CRISPLD2: variants seen among roughly 807,000 people sequenced by gnomAD.
CRISPLD2 encodes the protein cysteine-rich secretory protein LCCL domain-containing 2.
Under a neutral mutation model 71.1 loss-of-function variants are expected in CRISPLD2, and 47 were observed. That is an observed-to-expected ratio of 0.66 (90% CI 0.52 to 0.84). The LOEUF (loss-of-function observed/expected upper bound fraction) is 0.84, where lower values mean the gene tolerates loss of function less well. CRISPLD2 is among the 40% of genes least tolerant of loss of function. CRISPLD2 has a pLI of 0.00. For missense variants in CRISPLD2, 830 were observed against 651.1 expected (o/e 1.27, Z -2.99); for synonymous variants, 317 against 250.1 (o/e 1.27, Z -2.52).
At chr16:84,845,938 G>A (rs2143199194) in intron 3 of CRISPLD2, 34 bp downstream of exon 3, 1 of 1,414,804 alleles carries the variant, frequency 7.1e-7, no homozygotes, top group Non-Finnish European at 1.0e-6. Flanking sequence ...GGCTGCCGCA[G>A]GACCCCACTG....
chr16:84,830,285 G>A (rs1916456599), intron 1 of CRISPLD2, among the ~76,000 whole-genome samples: 1 of 152,176 alleles, frequency 6.6e-6, no homozygotes, highest in Admixed American at 6.5e-5. Flanking sequence ...TTGCACCACT[G>A]CACTCTAGCC....
intron 1 of CRISPLD2, among the ~76,000 whole-genome samples, chr16:84,825,462 T>C (rs1326794174): frequency 6.6e-6 from 1 of 151,974 alleles, no homozygotes; most frequent in East Asian, 1.9e-4. Flanking sequence ...GTTTCTAAAA[T>C]AAAGGAAGAA....
At chr16:84,838,087 T>C (rs959915843) in intron 1 of CRISPLD2, among the ~76,000 whole-genome samples, 4 of 152,186 alleles carry the variant, frequency 2.6e-5, no homozygotes, top group African/African-American at 9.7e-5. Flanking sequence ...AGCTAATTTG[T>C]GCCTGAGATT....
intron 7 of CRISPLD2, among the ~76,000 whole-genome samples, chr16:84,868,498 C>T (rs1917603193): frequency 6.6e-6 from 1 of 152,204 alleles, no homozygotes; most frequent in Non-Finnish European, 1.5e-5. Context: ...CCCTGTGGGA[C>T]CACAGGCACA....
At chr16:84,896,870 T>G (rs561809805) in intron 14 of CRISPLD2, among the ~76,000 whole-genome samples, 3 of 152,366 alleles carry the variant, frequency 2.0e-5, no homozygotes, top group Admixed American at 6.5e-5. Context: ...CAGGGGTTCC[T>G]CTTCTGCCGT....
intron 14 of CRISPLD2, among the ~76,000 whole-genome samples, chr16:84,903,030 A>G (rs181365857): frequency 6.2e-4 from 95 of 152,014 alleles, no homozygotes; most frequent in Middle Eastern, 3.4e-3. Context: ...AGCCTCCCAA[A>G]GTGCTGGGAT....
intron 13 of CRISPLD2, among the ~76,000 whole-genome samples, chr16:84,886,536 C>A (rs1433400154): frequency 1.3e-5 from 2 of 152,114 alleles, no homozygotes; most frequent in East Asian, 1.9e-4. Context: ...AAAAAAAATT[C>A]ACCATAAGCC....
In CRISPLD2 at chr16:84,827,818, C is replaced by A. The variant is rs12599663; in HGVS notation, c.-75+7685C>A. 9.8e-3 allele frequency among the ~76,000 whole-genome samples: 1,489 copies of A among 152,242 alleles called. 21 individuals are homozygous for A. The highest frequency in any genetic ancestry group is 0.035 in the East Asian group (183 of 5,158). On this transcript the variant is annotated intron_variant, in intron 1 of 14. Transcript: ENST00000262424. ...CTGACCTCAGGTGATCTGCCCTTCT[C>A]AGCCTCCCAAAGTGCTGGGATTACA... is the stretch of plus-strand genomic sequence containing the variant.
At chr16:84,869,514 A>G (rs1402919564) in intron 8 of CRISPLD2, among the ~76,000 whole-genome samples, 2 of 152,230 alleles carry the variant, frequency 1.3e-5, no homozygotes, top group African/African-American at 4.8e-5. Flanking sequence ...CCAGGAGAAC[A>G]CTTCACTTAG....
intron 14 of CRISPLD2, among the ~76,000 whole-genome samples, chr16:84,893,333 A>G (rs887693865): frequency 1.3e-5 from 2 of 152,206 alleles, no homozygotes; most frequent in Non-Finnish European, 2.9e-5. Context: ...ACTTCAAAAG[A>G]TGCCATGGTT....
chr16:84,847,245 C>T (rs1172633944), intron 3 of CRISPLD2, among the ~76,000 whole-genome samples: 10 of 152,178 alleles, frequency 6.6e-5, no homozygotes, highest in Admixed American at 2.0e-4. Context: ...CCTCTGCATC[C>T]GTGGGTTTTC....
intron 1 of CRISPLD2, among the ~76,000 whole-genome samples, chr16:84,824,012 G>A (rs564033597): frequency 7.9e-5 from 12 of 152,262 alleles, no homozygotes; most frequent in African/African-American, 2.6e-4. Context: ...ACCCCTCTAA[G>A]GACTGGGAGC....
chr16:84,882,770 G>A (rs985113903), intron 13 of CRISPLD2, among the ~76,000 whole-genome samples: 1 of 152,154 alleles, frequency 6.6e-6, no homozygotes, highest in African/African-American at 2.4e-5. Flanking sequence ...ACCGTCTCTA[G>A]GTATCGTTAT....
intron 14 of CRISPLD2, among the ~76,000 whole-genome samples, chr16:84,897,794 T>A (rs1597486102): frequency 6.6e-6 from 1 of 152,210 alleles, no homozygotes; most frequent in South Asian, 2.1e-4. Context: ...TTTTTGTATT[T>A]TTAGTAGAGA....
chr16:84,850,306 G>A (rs554583445), intron 4 of CRISPLD2, among the ~76,000 whole-genome samples: 264 of 152,088 alleles, frequency 1.7e-3, no homozygotes, highest in African/African-American at 6.0e-3. Flanking sequence ...GGTCAGGCTG[G>A]TCTCAAACTC....
At chr16:84,906,133 C>G (rs758385497) in intron 14 of CRISPLD2, among the ~76,000 whole-genome samples, 18 of 152,082 alleles carry the variant, frequency 1.2e-4, no homozygotes, top group Non-Finnish European at 2.4e-4. Flanking sequence ...TCCGTTTCCT[C>G]CCCTGTGAAC....
Position 84,896,977 on chromosome 16 carries a change from T to C in CRISPLD2, c.1439+7614T>C, listed in dbSNP as rs76122644. On this transcript the variant is annotated intron_variant, in intron 14 of 14. Coordinates refer to ENST00000262424, the MANE Select transcript of CRISPLD2 (RefSeq NM_031476.4). ...CACCCTCCTTAATCCCGTCTGTGTG[T>C]TGGGTGATGCCAAAAGGCAAGCTCT... Among the ~76,000 whole-genome samples the C allele has an allele frequency of 2.9e-3, 442 of 152,268 alleles. 1 individual carries two copies. Among genetic ancestry groups the C allele is most frequent in the African/African-American group, 0.01 (417 of 41,558 alleles).
intron 12 of CRISPLD2, among the ~76,000 whole-genome samples, chr16:84,880,101 C>A (rs1469726317): frequency 6.6e-6 from 1 of 152,162 alleles, no homozygotes; most frequent in South Asian, 2.1e-4. Context: ...CCCTTTCCTC[C>A]TCCACACAGG....
At chr16:84,883,709 A>G (rs2071587677) in intron 13 of CRISPLD2, among the ~76,000 whole-genome samples, 1 of 152,196 alleles carries the variant, frequency 6.6e-6, no homozygotes, top group South Asian at 2.1e-4. Flanking sequence ...CCACTGGGCT[A>G]GCGATGACAA....
Sources: gnomAD v4.1 joint callset for allele counts (sites outside exome capture counted in the v4.1 genomes callset) on GRCh38, gnomAD v4.1.1 for gene constraint, MANE v1.5 for transcripts, NCBI Gene and HGNC (gene_info 2026-07-23, HGNC 2026-07-21) for gene names.